SMIM35: variants seen among roughly 807,000 people sequenced by gnomAD.
SMIM35 encodes the protein TMPRSS4 antisense RNA 1 (non-protein coding).
intron 1 of SMIM35, among the ~76,000 whole-genome samples, chr11:118,046,533 C>T (rs76158475): frequency 0.016 from 2,455 of 152,260 alleles, 106 homozygotes; most frequent in East Asian, 0.1. Context: ...CCTCAACAGA[C>T]GCCTGGATAT....
chr11:118,027,849 G>A (rs556908020), intron 1 of SMIM35, among the ~76,000 whole-genome samples: 1 of 152,332 alleles, frequency 6.6e-6, no homozygotes, highest in Non-Finnish European at 1.5e-5. Flanking sequence ...ACTCACAGTA[G>A]TATTTGGCCT....
In SMIM35 at chr11:118,039,904, G is replaced by T. The variant is rs554313989; in HGVS notation, c.8-24095C>A. The stretch of plus-strand genomic sequence containing the variant: ...TACTAAAAATACAAAAATTAGCCGG[G>T]TGTGGTGGCACAGGCCTGTAGTCCC... On this transcript the variant is annotated intron_variant, in intron 1 of 4. Coordinates refer to ENST00000689828, the MANE Select transcript of SMIM35 (RefSeq NM_001394165.1). Among the ~76,000 whole-genome samples the T allele has an allele frequency of 1.4e-3, 214 of 152,072 alleles. 1 individual carries two copies. The highest frequency in any genetic ancestry group is 2.6e-3 in the Non-Finnish European group (177 of 68,008).
At chr11:118,053,237 G>A (rs552573701) in intron 1 of SMIM35, among the ~76,000 whole-genome samples, 2 of 152,152 alleles carry the variant, frequency 1.3e-5, no homozygotes, top group East Asian at 3.9e-4. Context: ...GAACCCAGGA[G>A]GCAGAGGTTG....
intron 4 of SMIM35, among the ~76,000 whole-genome samples, chr11:118,008,017 G>A (rs1362457699): frequency 6.6e-6 from 1 of 151,912 alleles, no homozygotes; most frequent in Admixed American, 6.6e-5. Context: ...TTATAGGCAC[G>A]AGCCACCACG....
chr11:118,052,150 CT>C (rs761799020), intron 1 of SMIM35, among the ~76,000 whole-genome samples: 17 of 152,166 alleles, frequency 1.1e-4, no homozygotes, highest in Non-Finnish European at 1.6e-4. Context: ...GTAGCGGGTG[CT>C]CTTTGCATAA....
chr11:118,080,247 T>C (rs562863045), intron 1 of SMIM35, among the ~76,000 whole-genome samples: 39 of 152,270 alleles, frequency 2.6e-4, no homozygotes, highest in South Asian at 1.2e-3. Context: ...ACTATTTGCA[T>C]TGGACTCTGA....
intron 1 of SMIM35, among the ~76,000 whole-genome samples, chr11:118,060,097 G>T (rs1944373280): frequency 6.6e-6 from 1 of 151,728 alleles, no homozygotes; most frequent in Non-Finnish European, 1.5e-5. Context: ...CCAGGGCTGT[G>T]CCCAAGCCCA....
At chr11:118,028,088 A>T (rs959260830) in intron 1 of SMIM35, among the ~76,000 whole-genome samples, 1 of 152,208 alleles carries the variant, frequency 6.6e-6, no homozygotes, top group Non-Finnish European at 1.5e-5. Flanking sequence ...AGTCATGCCA[A>T]TTGGGCCAAG....
intron 1 of SMIM35, among the ~76,000 whole-genome samples, chr11:118,056,986 C>A (rs1944323004): frequency 6.6e-6 from 1 of 152,122 alleles, no homozygotes; most frequent in African/African-American, 2.4e-5. Context: ...TCCATGAGAA[C>A]TGGAGGTGAC....
chr11:118,026,047 G>T (rs1450238260), intron 1 of SMIM35, among the ~76,000 whole-genome samples: 1 of 152,042 alleles, frequency 6.6e-6, no homozygotes, highest in South Asian at 2.1e-4. Flanking sequence ...TTTTGAATAG[G>T]GACTCCTTTC....
chr11:118,046,653 A>G (rs1325611915), intron 1 of SMIM35, among the ~76,000 whole-genome samples: 2 of 152,218 alleles, frequency 1.3e-5, no homozygotes, highest in African/African-American at 2.4e-5. Flanking sequence ...CGGATCTTTC[A>G]AAGAATGGAG....
intron 1 of SMIM35, among the ~76,000 whole-genome samples, chr11:118,047,744 G>A (rs930153405): frequency 2.6e-5 from 4 of 152,210 alleles, no homozygotes; most frequent in Non-Finnish European, 5.9e-5. Context: ...ATGAGCTATG[G>A]CCACTCACCT....
intron 1 of SMIM35, among the ~76,000 whole-genome samples, chr11:118,051,483 C>A (rs1422792007): frequency 6.6e-6 from 1 of 152,260 alleles, no homozygotes; most frequent in East Asian, 1.9e-4. Flanking sequence ...CTCTCCTCCC[C>A]ATGCCCTGGA....
chr11:118,085,425 A>G (rs1256578581), intron 1 of SMIM35, among the ~76,000 whole-genome samples: 1 of 151,826 alleles, frequency 6.6e-6, no homozygotes, highest in African/African-American at 2.4e-5. Context: ...GGGTTTCACT[A>G]TGTTGGCCAG....
intron 1 of SMIM35, among the ~76,000 whole-genome samples, chr11:118,039,829 G>A (rs1384487907): frequency 2.6e-5 from 4 of 151,624 alleles, no homozygotes; most frequent in African/African-American, 2.4e-5. Context: ...GGCGGGACTC[G>A]AGAAAAGGAG....
At chr11:118,015,956 C>G (rs2058179544) in intron 1 of SMIM35, 147 bp from the exon 2 acceptor site, 1 of 397,434 alleles carries the variant, frequency 2.5e-6, no homozygotes. Flanking sequence ...TTCAGCCCAG[C>G]TATACTAAGA....
chr11:118,044,722 C>T (rs1294248738), intron 1 of SMIM35, among the ~76,000 whole-genome samples: 4 of 137,948 alleles, frequency 2.9e-5, no homozygotes, highest in Non-Finnish European at 4.5e-5. Context: ...TGCAGTGAGC[C>T]GAGACTGCAC....
At chr11:118,053,657 T>C (rs1944259546) in intron 1 of SMIM35, among the ~76,000 whole-genome samples, 1 of 152,178 alleles carries the variant, frequency 6.6e-6, no homozygotes, top group African/African-American at 2.4e-5. Context: ...CCAGCATAGC[T>C]CTTTAATTCC....
intron 4 of SMIM35, among the ~76,000 whole-genome samples, chr11:118,008,413 C>T (rs1276816144): frequency 1.3e-5 from 2 of 152,232 alleles, no homozygotes; most frequent in Admixed American, 1.3e-4. Flanking sequence ...GCACCAGAGA[C>T]TCTGGCCTCC....
Sources: allele counts gnomAD v4.1 joint callset (sites outside exome capture counted in the v4.1 genomes callset), GRCh38; gene constraint gnomAD v4.1.1; transcripts MANE v1.5; gene names NCBI Gene and HGNC (gene_info 2026-07-23, HGNC 2026-07-21).